Variants in GLIS1 observed in about 807,000 individuals in gnomAD.
The protein encoded by GLIS1 is zinc finger protein GLIS1.
In GLIS1, 24 loss-of-function variants were observed where a neutral mutation model predicts 63.8. That is an observed-to-expected ratio of 0.38 (90% CI 0.27 to 0.53). The LOEUF (loss-of-function observed/expected upper bound fraction) is 0.53, where lower values mean the gene tolerates loss of function less well. Among genes scored for constraint, GLIS1 ranks in the 20% least tolerant of loss-of-function variants. The pLI is 0.85. For synonymous variants in GLIS1, 450 were observed against 482.5 expected (o/e 0.93, Z 0.88); for missense variants, 1,036 against 1,074.1 (o/e 0.96, Z 0.50).
At chr1:53,731,710 G>A (rs184873428) in intron 2 of GLIS1, among the ~76,000 whole-genome samples, 4 of 152,264 alleles carry the variant, frequency 2.6e-5, no homozygotes, top group South Asian at 4.1e-4. Flanking sequence ...ATGTGATCAC[G>A]TCTCTAAAGC....
At chr1:53,698,264 C>T (rs1646487382) in intron 2 of GLIS1, among the ~76,000 whole-genome samples, 1 of 152,184 alleles carries the variant, frequency 6.6e-6, no homozygotes, top group Non-Finnish European at 1.5e-5. Flanking sequence ...CCTCGGAACG[C>T]ACTCCAGAGG....
chr1:53,697,354 C>T (rs527557296), intron 2 of GLIS1, among the ~76,000 whole-genome samples: 134 of 152,330 alleles, frequency 8.8e-4, no homozygotes, highest in African/African-American at 3.2e-3. Flanking sequence ...TGCCAACTTT[C>T]ATTTCCTATT....
rs933791084 is a variant in GLIS1, at chr1:53,737,670, T to C, written c.259+136A>G. On this transcript the variant is annotated intron_variant, in intron 2 of 10. Transcript: ENST00000628545. ...CAGGCATACTTTCACACTGACAAGC[T>C]AGTCCCAAACAATAAGAGAGAAACT... 1.3e-5 allele frequency: 11 copies of C among 840,924 alleles called. No individual in the cohort carries two copies. In the African/African-American group the frequency reaches 1.8e-4, roughly 13 times the overall value. The allele number at this position is 840,924 out of a possible 1,614,324, so 52.1% of individuals were successfully genotyped here. A position where few individuals can be genotyped will look rare whatever the true frequency, so the allele number is the denominator to read the frequency against.
intron 4 of GLIS1, among the ~76,000 whole-genome samples, chr1:53,556,036 GGT>G (rs143953220): frequency 0.031 from 3,624 of 116,180 alleles, 79 homozygotes; most frequent in Middle Eastern, 0.05. Flanking sequence ...GTGTATTGCA[GGT>G]GTGTGTGTGT....
At chr1:53,611,481 C>T (rs1388777207) in intron 2 of GLIS1, among the ~76,000 whole-genome samples, 2 of 152,196 alleles carry the variant, frequency 1.3e-5, no homozygotes, top group Non-Finnish European at 1.5e-5. Flanking sequence ...TTGGTCCTGT[C>T]TCCTGGTATC....
chr1:53,704,456 G>A (rs1460334679), intron 2 of GLIS1, among the ~76,000 whole-genome samples: 1 of 152,220 alleles, frequency 6.6e-6, no homozygotes, highest in Non-Finnish European at 1.5e-5. Flanking sequence ...CTGACCTCAG[G>A]GGGTCTTTTA....
chr1:53,508,054 C>T (rs758201401), intron 10 of GLIS1, among the ~76,000 whole-genome samples: 27 of 152,206 alleles, frequency 1.8e-4, no homozygotes, highest in African/African-American at 4.8e-4. Flanking sequence ...CAGGTGCACA[C>T]GTGCACACAA....
intron 2 of GLIS1, among the ~76,000 whole-genome samples, chr1:53,644,751 C>T (rs1645824440): frequency 6.6e-6 from 1 of 152,090 alleles, no homozygotes; most frequent in African/African-American, 2.4e-5. Flanking sequence ...TGGGGGGCCC[C>T]GGGGTCCGGC....
intron 2 of GLIS1, among the ~76,000 whole-genome samples, chr1:53,602,468 G>A (rs1645328381): frequency 6.6e-6 from 1 of 152,124 alleles, no homozygotes; most frequent in African/African-American, 2.4e-5. Context: ...CTCTAACGGG[G>A]GTGCCGTTCA....
At chr1:53,702,505 G>GGAAACA (rs1176806631) in intron 2 of GLIS1, among the ~76,000 whole-genome samples, 1 of 152,226 alleles carries the variant, frequency 6.6e-6, no homozygotes, top group Non-Finnish European at 1.5e-5. Context: ...TTTCCAGATA[G>GGAAACA]GGCAGGAACA....
At chr1:53,726,715 A>G (rs1474835834) in intron 2 of GLIS1, among the ~76,000 whole-genome samples, 1 of 151,222 alleles carries the variant, frequency 6.6e-6, no homozygotes, top group African/African-American at 2.4e-5. Flanking sequence ...TCCCTCCCCA[A>G]CCTCCCCCAG....
At chr1:53,688,083 C>T (rs1646360254) in intron 2 of GLIS1, among the ~76,000 whole-genome samples, 2 of 152,160 alleles carry the variant, frequency 1.3e-5, no homozygotes, top group African/African-American at 2.4e-5. Flanking sequence ...CCAGACTGGC[C>T]CTGCCCCAGC....
intron 2 of GLIS1, among the ~76,000 whole-genome samples, chr1:53,696,904 C>T (rs960957969): frequency 1.3e-5 from 2 of 152,260 alleles, no homozygotes; most frequent in African/African-American, 4.8e-5. Flanking sequence ...TGGCTGACAG[C>T]CTCTCGAGAT....
chr1:53,573,665 C>T (rs889979850), intron 4 of GLIS1, among the ~76,000 whole-genome samples: 2 of 152,218 alleles, frequency 1.3e-5, no homozygotes, highest in East Asian at 3.9e-4. Context: ...TACACGCACA[C>T]ACACATGCAC....
intron 2 of GLIS1, among the ~76,000 whole-genome samples, chr1:53,637,850 CCAGA>C (rs1645743505): frequency 6.6e-6 from 1 of 152,122 alleles, no homozygotes; most frequent in Admixed American, 6.5e-5. Flanking sequence ...CAGACCTGGG[CCAGA>C]CAGTCAGGGG....
At chr1:53,507,291 A>G (rs979292288) in intron 10 of GLIS1, among the ~76,000 whole-genome samples, 1 of 152,142 alleles carries the variant, frequency 6.6e-6, no homozygotes, top group African/African-American at 2.4e-5. Flanking sequence ...CTGCGGTGGG[A>G]TTCACTATCC....
rs374398551 is a variant in GLIS1, at chr1:53,609,484, T to C, written c.260-9206A>G. Among the ~76,000 whole-genome samples the C allele has an allele frequency of 8.5e-5, 13 of 152,158 alleles. No individual in the cohort carries two copies. The East Asian group carries it at 9.6e-4, about 11-fold the overall frequency. On this transcript the variant is annotated intron_variant, in intron 2 of 10. Transcript: ENST00000628545. ...TGGGGTTTTACCATATTGGCCAGGCTGGTCTTGAACTCCTGACCTCATGAT... is the reference window on the plus strand; with the variant it reads ...TGGGGTTTTACCATATTGGCCAGGCCGGTCTTGAACTCCTGACCTCATGAT...
chr1:53,737,799 A>C lies in GLIS1; in HGVS notation c.259+7T>G. 1 of 1,230,988 alleles carries C rather than the reference A, an allele frequency of 8.1e-7. No homozygotes were observed. Among genetic ancestry groups the C allele is most frequent in the Non-Finnish European group, 1.0e-6 (1 of 987,424 alleles). The allele number at this position is 1,230,988 out of a possible 1,614,324, so 76.3% of individuals were successfully genotyped here. A position where few individuals can be genotyped will look rare whatever the true frequency, so the allele number is the denominator to read the frequency against. ...GCCGCCAGGCACGTTGGCAGGGCCG[A>C]ACTCACCCTTCCCGGCGGCGGCGGC... is the stretch of plus-strand genomic sequence containing the variant. On this transcript the variant is annotated splice_region_variant and intron_variant, in intron 2 of 10. Transcript: ENST00000628545.
chr1:53,690,575 A>G (rs1646392415), intron 2 of GLIS1, among the ~76,000 whole-genome samples: 2 of 152,254 alleles, frequency 1.3e-5, no homozygotes, highest in Admixed American at 6.5e-5. Context: ...GCTGTGGCGC[A>G]GCCTGCGCTG....
Sources: allele counts gnomAD v4.1 joint callset (sites outside exome capture counted in the v4.1 genomes callset), GRCh38; gene constraint gnomAD v4.1.1; transcripts MANE v1.5; gene names NCBI Gene and HGNC (gene_info 2026-07-23, HGNC 2026-07-21).